HSD17B12: variants seen among roughly 807,000 people sequenced by gnomAD.
HSD17B12 encodes very-long-chain 3-oxoacyl-CoA reductase.
In HSD17B12, 32 loss-of-function variants were observed where a neutral mutation model predicts 39.3. The ratio of observed to expected loss-of-function variants is 0.81; its 90% confidence interval spans 0.61 to 1.09. The LOEUF (loss-of-function observed/expected upper bound fraction) is 1.09. Ranked by LOEUF, HSD17B12 falls within the 50% of genes least tolerant of loss-of-function variation. The pLI is 0.00. For missense variants in HSD17B12, 342 were observed against 382.9 expected (o/e 0.89, Z 0.89); for synonymous variants, 150 against 146.7 (o/e 1.02, Z -0.16).
chr11:43,609,654 G>A, the HSD17B12 span, among the ~76,000 whole-genome samples: 1 of 152,106 alleles, frequency 6.6e-6, no homozygotes, highest in East Asian at 1.9e-4. Context: ...AGAGACATGA[G>A]CCACTGTGCA....
At position 43,734,213 on chromosome 11, in the gene HSD17B12, A is replaced by T. The variant is rs573071509; in HGVS notation, c.161-16698A>T. 1.9e-4 allele frequency: 304 copies of T among 1,560,274 alleles called. 6 individuals are homozygous for T. In the South Asian group the frequency reaches 3.1e-3, roughly 16 times the overall value. ...CTCCAGGCAGGTGAGCGACGACCTT[A>T]CGGAGCGAGCAGCCACCTTTGGGTT... On this transcript the variant is annotated intron_variant, in intron 1 of 10. Coordinates refer to ENST00000278353, the MANE Select transcript of HSD17B12 (RefSeq NM_016142.3).
At chr11:43,740,473 T>C (rs1950354333) in intron 1 of HSD17B12, among the ~76,000 whole-genome samples, 1 of 152,230 alleles carries the variant, frequency 6.6e-6, no homozygotes, top group Non-Finnish European at 1.5e-5. Context: ...CTTTTGTATA[T>C]GTTTGATTCC....
At chr11:43,792,118 G>A (rs1390439118) in intron 3 of HSD17B12, among the ~76,000 whole-genome samples, 2 of 152,174 alleles carry the variant, frequency 1.3e-5, no homozygotes, top group Non-Finnish European at 2.9e-5. Context: ...TTTGTTGGGG[G>A]ATGTCTCACC....
At chr11:43,580,830 A>G in the HSD17B12 span, among the ~76,000 whole-genome samples, 1 of 152,044 alleles carries the variant, frequency 6.6e-6, no homozygotes, top group Non-Finnish European at 1.5e-5. Flanking sequence ...AAAGGGGGAA[A>G]TGTGAGCTCT....
Position 43,718,421 on chromosome 11 carries a change from C to T in HSD17B12, c.161-32490C>T, listed in dbSNP as rs140840588. 2.0e-4 allele frequency among the ~76,000 whole-genome samples: 30 copies of T among 152,286 alleles called. No individual in the cohort carries two copies. In the East Asian group the frequency reaches 5.2e-3, roughly 26 times the overall value. ...AGATGCATATGAGATTTCTTAGGCACAGCTGCTCCAGTACAGCTTCTTTAG... is the reference window on the plus strand; with the variant it reads ...AGATGCATATGAGATTTCTTAGGCATAGCTGCTCCAGTACAGCTTCTTTAG... On this transcript the variant is annotated intron_variant, in intron 1 of 10. Coordinates refer to ENST00000278353, the MANE Select transcript of HSD17B12 (RefSeq NM_016142.3).
chr11:43,604,606 C>G, the HSD17B12 span, among the ~76,000 whole-genome samples: 1 of 152,152 alleles, frequency 6.6e-6, no homozygotes, highest in Admixed American at 6.5e-5. Context: ...GCTAAGGTTT[C>G]CATCATAATT....
the HSD17B12 span, among the ~76,000 whole-genome samples, chr11:43,583,324 A>C: frequency 6.6e-6 from 1 of 152,192 alleles, no homozygotes; most frequent in African/African-American, 2.4e-5. Context: ...GTCGTGCGGC[A>C]CCGGAGCGAG....
chr11:43,651,277 T>C, the HSD17B12 span, among the ~76,000 whole-genome samples: 67 of 152,362 alleles, frequency 4.4e-4, no homozygotes, highest in African/African-American at 1.6e-3. Flanking sequence ...GATAACGTGC[T>C]GTGAACCAAG....
At chr11:43,759,413 A>G (rs1267738388) in intron 3 of HSD17B12, among the ~76,000 whole-genome samples, 3 of 152,198 alleles carry the variant, frequency 2.0e-5, no homozygotes, top group Non-Finnish European at 4.4e-5. Context: ...ATGAAATTAC[A>G]GTTCTTTGTA....
chr11:43,846,083 A>G (rs1184277324), intron 9 of HSD17B12, among the ~76,000 whole-genome samples: 1 of 152,224 alleles, frequency 6.6e-6, no homozygotes, highest in Non-Finnish European at 1.5e-5. Context: ...CTGAGCTTGG[A>G]GTCAGCAGAC....
the HSD17B12 span, among the ~76,000 whole-genome samples, chr11:43,597,527 A>T: frequency 6.6e-6 from 1 of 152,216 alleles, no homozygotes; most frequent in African/African-American, 2.4e-5. Flanking sequence ...CTCTCTGGTG[A>T]TAATATTAGA....
chr11:43,673,471 T>TCTTTC, the HSD17B12 span: 1 of 55,328 alleles, frequency 1.8e-5, no homozygotes, highest in East Asian at 5.9e-4. Flanking sequence ...CTTTTTCTTT[T>TCTTTC]CTTTTCTTTT....
chr11:43,793,436 GTAACATTCTCAGACT>G (rs1435872360), intron 3 of HSD17B12, among the ~76,000 whole-genome samples: 1 of 152,088 alleles, frequency 6.6e-6, no homozygotes, highest in African/African-American at 2.4e-5. Flanking sequence ...GACTTCTTTT[GTAACATTCTCAGACT>G]TAATATCCCC....
chr11:43,772,274 C>T (rs184586673), intron 3 of HSD17B12, among the ~76,000 whole-genome samples: 3 of 152,266 alleles, frequency 2.0e-5, no homozygotes, highest in Admixed American at 2.0e-4. Flanking sequence ...ATCATAAAAT[C>T]CCCCTACTCC....
intron 1 of HSD17B12, chr11:43,733,989 A>G (rs1273966542): frequency 2.8e-6 from 2 of 720,816 alleles, no homozygotes; most frequent in East Asian, 2.6e-5. Flanking sequence ...TGCTCCAGTC[A>G]TCACTGGTAG....
At chr11:43,715,420 A>AT (rs1433853269) in intron 1 of HSD17B12, among the ~76,000 whole-genome samples, 2 of 152,034 alleles carry the variant, frequency 1.3e-5, no homozygotes, top group African/African-American at 4.8e-5. Flanking sequence ...TATATGCTGG[A>AT]TTACGTTTAT....
At chr11:43,738,707 G>A in intron 1 of HSD17B12, among the ~76,000 whole-genome samples, 1 of 152,118 alleles carries the variant, frequency 6.6e-6, no homozygotes, top group East Asian at 1.9e-4. Flanking sequence ...CTTTTTGCCA[G>A]GTTCTGTGCT....
rs531660613 is a variant in HSD17B12 at position 43,778,558 on chromosome 11, T to C, written c.284-19762T>C. 2.2e-3 allele frequency among the ~76,000 whole-genome samples: 330 copies of C among 151,086 alleles called. 1 individual carries two copies. The highest frequency in any genetic ancestry group is 7.7e-3 in the African/African-American group (315 of 41,024). ...AAAAGAGAATTTTAGACCAATATCC[T>C]TGATGAACATTGATGCAAAAATCCT... On this transcript the variant is annotated intron_variant, in intron 3 of 10. Transcript: ENST00000278353.
At chr11:43,668,347 T>C in the HSD17B12 span, among the ~76,000 whole-genome samples, 73 of 152,212 alleles carry the variant, frequency 4.8e-4, no homozygotes, top group Admixed American at 1.2e-3. Flanking sequence ...CACAGTCACA[T>C]CTCTCTCTTT....
Sources: allele counts gnomAD v4.1 joint callset (sites outside exome capture counted in the v4.1 genomes callset), GRCh38; gene constraint gnomAD v4.1.1; transcripts MANE v1.5; gene names NCBI Gene and HGNC (gene_info 2026-07-23, HGNC 2026-07-21).